The following SCAF11 variants were observed in gnomAD, a reference collection of about 807,000 sequenced individuals.
SCAF11 encodes the protein protein SCAF11.
SCAF11 carries 47 observed loss-of-function variants against 140.5 expected under a neutral mutation model. The ratio of observed to expected loss-of-function variants is 0.33; its 90% CI spans 0.26 to 0.43. The LOEUF is 0.43. SCAF11 is among the 20% of genes least tolerant of loss of function. The pLI is 1.00. For missense variants in SCAF11, 1,645 were observed against 1,705.1 expected (o/e 0.96, Z 0.62); for synonymous variants, 557 against 579.4 (o/e 0.96, Z 0.55).
At position 45,921,157 on chromosome 12, in the gene SCAF11, A is replaced by C. The variant is rs1401972915; in HGVS notation, c.*891T>G. 6.6e-6 allele frequency: 1 copy of C among 151,994 alleles called. No homozygotes were observed. The highest frequency in any genetic ancestry group is 1.5e-5 in the Non-Finnish European group (1 of 68,038). 9.4% of individuals were successfully genotyped at this position (151,994 alleles called of 1,614,324 possible). A position where few individuals can be genotyped will look rare whatever the true frequency, so the allele number is the denominator to read the frequency against. On this transcript the variant is annotated 3_prime_UTR_variant, in exon 15 of 15. Coordinates refer to ENST00000369367, the MANE Select transcript of SCAF11 (RefSeq NM_004719.3). ...ACCACCACGCCTGGCTAATTTTTGTATTTTTAGTAGAGACGGGATTTCACC... is the reference window on the plus strand; with the variant it reads ...ACCACCACGCCTGGCTAATTTTTGTCTTTTTAGTAGAGACGGGATTTCACC...
chr12:45,973,990 A>G (rs1049403396), intron 1 of SCAF11, among the ~76,000 whole-genome samples: 6 of 152,184 alleles, frequency 3.9e-5, no homozygotes, highest in African/African-American at 9.6e-5. Context: ...ACACTTTCTG[A>G]TAAGATTTCC....
chr12:45,990,635 T>C (rs543573745), upstream of SCAF11: 707 of 1,173,344 alleles, frequency 6.0e-4, 9 homozygotes, highest in African/African-American at 0.01. Context: ...GTCTCCCTCC[T>C]CCTCCCTTCC....
intron 10 of SCAF11, 110 bp downstream of exon 10, chr12:45,931,396 C>T (rs1945042151): frequency 1.9e-6 from 1 of 518,730 alleles, no homozygotes; most frequent in Non-Finnish European, 3.3e-6. Context: ...TTACAAGTTA[C>T]TATGCCTTAC....
rs1400704070 is a variant in SCAF11 at position 45,928,526 on chromosome 12, C to G, written c.1175G>C (p.Ser392Thr). 1 of 1,613,984 alleles carries G rather than the reference C, an allele frequency of 6.2e-7. No individual in the cohort carries two copies. Among genetic ancestry groups the G allele is most frequent in the Non-Finnish European group, 8.5e-7 (1 of 1,180,016 alleles). Residue 392 changes from serine (S) to threonine (T), a missense_variant, in exon 11 of 15, where the codon AGC (serine) becomes ACC (threonine). Physicochemically the swap from Ser to Thr is moderately conservative, Grantham distance 58. Transcript: ENST00000369367. ...TGATTTTTCAGGGGCAGCTACAGAG[C>G]TCCGAAGTTTCTTTTTCAGTAAAGG... ...KPPLLKKKLR[S>T]SVAAPEKSSS...
intron 3 of SCAF11, chr12:45,953,998 ATT>A: frequency 4.2e-6 from 1 of 236,766 alleles, no homozygotes; most frequent in South Asian, 1.2e-4. Context: ...GTTCTTAACA[ATT>A]TTTATTGGAA....
intron 1 of SCAF11, among the ~76,000 whole-genome samples, chr12:45,989,707 A>G (rs1386179311): frequency 6.6e-6 from 1 of 152,196 alleles, no homozygotes; most frequent in East Asian, 1.9e-4. Flanking sequence ...CAGGTAGCGA[A>G]TTTAAAACAC....
At position 45,926,632 on chromosome 12, in the gene SCAF11, C is replaced by G; in HGVS notation, c.3069G>C (p.Trp1023Cys). The G allele has an allele frequency of 6.2e-7, 1 of 1,613,892 alleles. No homozygotes were observed. Among genetic ancestry groups the G allele is most frequent in the Non-Finnish European group, 8.5e-7 (1 of 1,180,008 alleles). The change falls in exon 11 of 15, where the codon TGG (tryptophan) becomes TGC (cysteine). Residue 1023 changes from tryptophan to cysteine, a missense_variant. Around this residue, in one of 2 missense-constraint regions of SCAF11, gnomAD observed 1,582 missense variants for 1,609.2 expected, o/e 0.98. Coordinates refer to ENST00000369367, the MANE Select transcript of SCAF11 (RefSeq NM_004719.3). ...GCCCAGAGTTTATTTTTTCTGTTAT[C>G]CAATTGGGACAGTCATTTCTATGTT... The part of the protein sequence containing the change: ...ADKHRNDCPN[W>C]ITEKINSGPD...
chr12:45,991,833 T>C (rs1946619165), upstream of SCAF11: 18 of 1,235,288 alleles, frequency 1.5e-5, no homozygotes, highest in Non-Finnish European at 1.9e-5. Flanking sequence ...CACGCCCTTG[T>C]CCTGCTTGCG....
intron 3 of SCAF11, chr12:45,961,268 G>T: frequency 1.4e-6 from 1 of 713,780 alleles, no homozygotes; most frequent in Non-Finnish European, 2.6e-6. Flanking sequence ...ATCTGCTCTG[G>T]TTATTCCACA....
At chr12:45,958,067 ATTT>A (rs764679460) in intron 3 of SCAF11, among the ~76,000 whole-genome samples, 8 of 144,446 alleles carry the variant, frequency 5.5e-5, no homozygotes, top group Non-Finnish European at 1.2e-4. Flanking sequence ...TGCCTGGCTA[ATTT>A]TTTTTTTTTT....
chr12:45,963,167 T>A (rs188911011), intron 2 of SCAF11, among the ~76,000 whole-genome samples: 3 of 152,160 alleles, frequency 2.0e-5, no homozygotes, highest in East Asian at 1.9e-4. Flanking sequence ...ACATACTAAT[T>A]GAAATCCAAA....
intron 3 of SCAF11, among the ~76,000 whole-genome samples, chr12:45,960,215 C>T (rs1945792505): frequency 6.6e-6 from 1 of 152,086 alleles, no homozygotes; most frequent in Non-Finnish European, 1.5e-5. Context: ...GAAAGATGCA[C>T]TTGAAGTTGA....
chr12:45,977,602 T>G (rs924033467), intron 1 of SCAF11, among the ~76,000 whole-genome samples: 5 of 152,164 alleles, frequency 3.3e-5, no homozygotes, highest in African/African-American at 9.7e-5. Context: ...AAGACTAACA[T>G]GAGAGCAATT....
At chr12:45,952,866 A>G (rs929340523) in intron 3 of SCAF11, among the ~76,000 whole-genome samples, 6 of 152,236 alleles carry the variant, frequency 3.9e-5, no homozygotes, top group Non-Finnish European at 7.3e-5. Context: ...GAAACTAGAT[A>G]TATTATTCCT....
chr12:45,952,522 T>C (rs915887554), intron 3 of SCAF11, among the ~76,000 whole-genome samples: 4 of 152,320 alleles, frequency 2.6e-5, no homozygotes, highest in Middle Eastern at 6.8e-3. Flanking sequence ...CTTTTTCAAA[T>C]TGAGTTATAG....
At chr12:45,930,441 T>G (rs867088893) in intron 10 of SCAF11, among the ~76,000 whole-genome samples, 109 of 147,366 alleles carry the variant, frequency 7.4e-4, no homozygotes, top group African/African-American at 2.7e-3. Context: ...TTGCGTTGTG[T>G]TTTGTTTTTT....
In SCAF11 at chr12:45,926,371, T is replaced by C. The variant is rs1168779179; in HGVS notation, c.3330A>G (p.Ser1110=). 6.2e-7 allele frequency: 1 copy of C among 1,614,086 alleles called. No homozygotes were observed. The highest frequency in any genetic ancestry group is 1.3e-5 in the African/African-American group (1 of 74,930). Residue 1110 remains serine, a synonymous_variant, in exon 11 of 15, where the codon TCA becomes TCG. Coordinates refer to ENST00000369367, the MANE Select transcript of SCAF11 (RefSeq NM_004719.3). Reference sequence around the variant, plus strand: ...CCACAAACTTGAAAGATTCACTCCCTGAACTGTTTGAATTCCCTGAGAGGG... The same window carrying C: ...CCACAAACTTGAAAGATTCACTCCCCGAACTGTTTGAATTCCCTGAGAGGG... The part of the protein sequence containing the change: ...RKPLSGNSNS[S]GSESFKFVEQ...
intron 6 of SCAF11, among the ~76,000 whole-genome samples, chr12:45,944,787 T>G (rs993542133): frequency 9.8e-4 from 4 of 4,072 alleles, no homozygotes; most frequent in African/African-American, 0.016. Context: ...TTAGAGGTGC[T>G]TTTATTTCTA....
chr12:45,932,326 C>T (rs1945065780), intron 9 of SCAF11, among the ~76,000 whole-genome samples: 1 of 151,712 alleles, frequency 6.6e-6, no homozygotes, highest in African/African-American at 2.4e-5. Context: ...TCATTTAGGT[C>T]TCCTAACAAA....
Sources: gnomAD v4.1 joint callset for allele counts (sites outside exome capture counted in the v4.1 genomes callset) on GRCh38, gnomAD v4.1.1 for gene constraint, gnomAD v4.1.1 regional missense constraint, MANE v1.5 for transcripts, NCBI Gene and HGNC (gene_info 2026-07-23, HGNC 2026-07-21) for gene names.